The following GRM7 variants were observed in gnomAD, a reference collection of about 807,000 sequenced individuals.
GRM7 encodes the protein glutamate metabotropic receptor 7.
A neutral mutation model predicts 84.5 loss-of-function variants in GRM7; 35 were observed. The observed-to-expected ratio is 0.41, with a 90% CI of 0.32 to 0.55. The LOEUF is 0.55. GRM7 is among the 20% of genes least tolerant of loss of function. GRM7 has a pLI of 0.19. For missense variants in GRM7, 1,003 were observed against 1,194.6 expected (o/e 0.84, Z 2.36); for synonymous variants, 487 against 455.1 (o/e 1.07, Z -0.89).
intron 4 of GRM7, among the ~76,000 whole-genome samples, chr3:7,401,310 C>G (rs796942257): frequency 3.9e-5 from 6 of 152,264 alleles, no homozygotes; most frequent in African/African-American, 1.4e-4. Context: ...AGAGTGCTGC[C>G]TGCTCCTTAG....
chr3:7,501,481 G>A (rs911694573), intron 7 of GRM7, among the ~76,000 whole-genome samples: 3 of 152,146 alleles, frequency 2.0e-5, no homozygotes, highest in Non-Finnish European at 4.4e-5. Flanking sequence ...ACATTTAATG[G>A]ACAATAGCCA....
chr3:7,537,635 A>G (rs567892959), intron 7 of GRM7, among the ~76,000 whole-genome samples: 4 of 152,356 alleles, frequency 2.6e-5, no homozygotes, highest in African/African-American at 9.6e-5. Flanking sequence ...ACTTTAGGTC[A>G]GTTCCATAAA....
At chr3:7,469,308 A>G (rs1463650253) in intron 7 of GRM7, among the ~76,000 whole-genome samples, 1 of 152,228 alleles carries the variant, frequency 6.6e-6, no homozygotes, top group Admixed American at 6.5e-5. Flanking sequence ...AGTGCTCTGT[A>G]AGCTTGTTCC....
chr3:7,295,182 A>G (rs1454072788), intron 2 of GRM7, among the ~76,000 whole-genome samples: 1 of 152,204 alleles, frequency 6.6e-6, no homozygotes. Flanking sequence ...TAATTTCTAT[A>G]TAAGGCAAGA....
intron 2 of GRM7, among the ~76,000 whole-genome samples, chr3:7,271,485 G>A (rs1318602838): frequency 6.6e-6 from 1 of 151,506 alleles, no homozygotes; most frequent in Non-Finnish European, 1.5e-5. Flanking sequence ...CGTGAACCCG[G>A]GAGGCGGAGC....
At chr3:7,275,063 C>T (rs1019800645) in intron 2 of GRM7, among the ~76,000 whole-genome samples, 1 of 152,062 alleles carries the variant, frequency 6.6e-6, no homozygotes, top group African/African-American at 2.4e-5. Flanking sequence ...CTTTCCTCAG[C>T]CACTTCCAGT....
intron 7 of GRM7, among the ~76,000 whole-genome samples, chr3:7,488,802 T>C (rs1449002343): frequency 6.6e-6 from 1 of 152,236 alleles, no homozygotes; most frequent in Non-Finnish European, 1.5e-5. Context: ...CTATTTCAGA[T>C]GCTCCTCCTC....
chr3:6,876,141 A>G (rs465372), intron 1 of GRM7, among the ~76,000 whole-genome samples: 43,090 of 151,892 alleles, frequency 0.28, 6,757 homozygotes, highest in South Asian at 0.46. Context: ...GGCGGCGGGT[A>G]CCTGCGATCC....
chr3:7,104,126 G>C (rs1327794253), intron 1 of GRM7, among the ~76,000 whole-genome samples: 1 of 150,222 alleles, frequency 6.7e-6, no homozygotes, highest in Non-Finnish European at 1.5e-5. Context: ...CTTATAAGAA[G>C]GTATGTGAGA....
chr3:6,973,118 C>CAA (rs1401559682), intron 1 of GRM7, among the ~76,000 whole-genome samples: 2 of 152,070 alleles, frequency 1.3e-5, no homozygotes, highest in Non-Finnish European at 2.9e-5. Context: ...GGTGGTAAGG[C>CAA]AAAAATAAGG....
intron 1 of GRM7, among the ~76,000 whole-genome samples, chr3:6,891,557 G>T (rs1463513320): frequency 2.6e-5 from 4 of 152,122 alleles, no homozygotes; most frequent in African/African-American, 9.7e-5. Flanking sequence ...GTTGAATATT[G>T]GCCCCCACTC....
chr3:7,463,292 A>G (rs941711710), intron 7 of GRM7, among the ~76,000 whole-genome samples: 3 of 152,216 alleles, frequency 2.0e-5, no homozygotes, highest in Admixed American at 2.0e-4. Context: ...GCATTCACCA[A>G]CTTCAGATGG....
intron 7 of GRM7, among the ~76,000 whole-genome samples, chr3:7,475,433 C>T (rs1698882646): frequency 1.3e-5 from 2 of 152,018 alleles, no homozygotes; most frequent in South Asian, 4.2e-4. Context: ...GTCAGTTACC[C>T]GATTCGTGTG....
chr3:6,989,896 T>C (rs1296503453), intron 1 of GRM7, among the ~76,000 whole-genome samples: 1 of 152,254 alleles, frequency 6.6e-6, no homozygotes, highest in East Asian at 1.9e-4. Flanking sequence ...TATGTGCTAA[T>C]GGTTCTTTTC....
chr3:7,220,482 C>A (rs1410503030), intron 2 of GRM7, among the ~76,000 whole-genome samples: 1 of 152,010 alleles, frequency 6.6e-6, no homozygotes, highest in Non-Finnish European at 1.5e-5. Context: ...CTCAAAGCTA[C>A]CAAAGGCATA....
At chr3:6,865,294 A>T (rs563677061) in intron 1 of GRM7, among the ~76,000 whole-genome samples, 1 of 152,326 alleles carries the variant, frequency 6.6e-6, no homozygotes, top group East Asian at 1.9e-4. Flanking sequence ...GGAAGTAGAG[A>T]GGTTATATAA....
intron 1 of GRM7, among the ~76,000 whole-genome samples, chr3:6,939,183 T>C (rs17046422): frequency 0.11 from 16,716 of 152,212 alleles, 991 homozygotes; most frequent in African/African-American, 0.15. Flanking sequence ...AAAAGTTACT[T>C]GATCTATACA....
intron 7 of GRM7, among the ~76,000 whole-genome samples, chr3:7,527,142 T>G (rs532500508): frequency 1.3e-5 from 2 of 152,180 alleles, no homozygotes; most frequent in African/African-American, 4.8e-5. Flanking sequence ...ACAATATCCA[T>G]TCTTCCAATC....
intron 8 of GRM7, among the ~76,000 whole-genome samples, chr3:7,634,477 TCC>T (rs1697984055): frequency 3.7e-5 from 1 of 27,100 alleles, no homozygotes; most frequent in Non-Finnish European, 6.2e-5. Flanking sequence ...GCACTTTTTT[TCC>T]AAAAAAAAAA....
Sources: gnomAD v4.1 joint callset for allele counts (sites outside exome capture counted in the v4.1 genomes callset) on GRCh38, gnomAD v4.1.1 for gene constraint, MANE v1.5 for transcripts, NCBI Gene and HGNC (gene_info 2026-07-23, HGNC 2026-07-21) for gene names.